Variants in TRAPPC8 observed in about 807,000 individuals in gnomAD.
The protein encoded by TRAPPC8 is trafficking protein particle complex subunit 8, also known as general sporulation gene 1 homolog.
A neutral mutation model predicts 174.3 loss-of-function variants in TRAPPC8; 54 were observed. That is an observed-to-expected ratio of 0.31 (90% confidence interval 0.25 to 0.39). The LOEUF (loss-of-function observed/expected upper bound fraction) is 0.39. Among genes scored for constraint, TRAPPC8 ranks in the 10% least tolerant of loss-of-function variants. The pLI is 1.00. For missense variants in TRAPPC8, 1,531 were observed against 1,699.1 expected, an observed-to-expected ratio of 0.90 and a Z score of 1.74; for synonymous variants, 630 against 579.9, an observed-to-expected ratio of 1.09 and a Z score of -1.24.
At chr18:31,878,967 A>G (rs1393103901) in intron 12 of TRAPPC8, among the ~76,000 whole-genome samples, 1 of 152,230 alleles carries the variant, frequency 6.6e-6, no homozygotes, top group Non-Finnish European at 1.5e-5. Context: ...CAGAGCATCC[A>G]AATTTATAAA....
chr18:31,940,655 C>T (rs983443747), intron 1 of TRAPPC8, among the ~76,000 whole-genome samples: 1 of 151,950 alleles, frequency 6.6e-6, no homozygotes, highest in South Asian at 2.1e-4. Flanking sequence ...CCCACCACCA[C>T]GCCCAGCTAA....
rs1312642241 is a variant in TRAPPC8 at position 31,927,095 on chromosome 18, CAT to C, written c.352+4232_352+4233del. Among the ~76,000 whole-genome samples, 10 of 152,218 alleles carry C rather than the reference CAT, an allele frequency of 6.6e-5. No homozygotes were observed. The East Asian group carries it at 1.7e-3, about 26-fold the overall frequency. ...CTTTTTATCATTTTGTCTATGTACA[CAT>C]ATCATTTTGATAAATTTATTTTTCT... On this transcript the variant is annotated intron_variant, in intron 2 of 28. Transcript: ENST00000283351.
At chr18:31,855,529 C>A (rs1210571653) in intron 21 of TRAPPC8, 131 bp downstream of exon 21, 8 of 707,766 alleles carry the variant, frequency 1.1e-5, no homozygotes, top group Non-Finnish European at 1.8e-5. Context: ...TGATTTCATA[C>A]TATTCTACAT....
intron 12 of TRAPPC8, among the ~76,000 whole-genome samples, chr18:31,888,764 G>A (rs1044186369): frequency 6.6e-6 from 1 of 152,190 alleles, no homozygotes; most frequent in African/African-American, 2.4e-5. Flanking sequence ...CTGTTGAGGG[G>A]TAGGGTGGGA....
At chr18:31,841,965 G>A (rs536661788) in intron 26 of TRAPPC8, among the ~76,000 whole-genome samples, 3 of 152,214 alleles carry the variant, frequency 2.0e-5, no homozygotes, top group Admixed American at 2.0e-4. Context: ...TGAACTCCTG[G>A]CCTCAAGCAA....
intron 11 of TRAPPC8, among the ~76,000 whole-genome samples, chr18:31,894,071 G>C (rs1462212636): frequency 6.6e-6 from 1 of 152,158 alleles, no homozygotes; most frequent in East Asian, 1.9e-4. Flanking sequence ...ACCAACTGAA[G>C]GCAGATGTGG....
At chr18:31,848,161 TA>T (rs1247531471) in intron 25 of TRAPPC8, among the ~76,000 whole-genome samples, 2 of 152,146 alleles carry the variant, frequency 1.3e-5, no homozygotes, top group African/African-American at 4.8e-5. Flanking sequence ...TACTAGCCAC[TA>T]CCAAACTTAA....
At position 31,908,429 on chromosome 18, in the gene TRAPPC8, G is replaced by A; in HGVS notation, c.1123-11C>T. 4 of 1,500,278 alleles carry A rather than the reference G, an allele frequency of 2.7e-6. No individual in the cohort carries two copies. The highest frequency in any genetic ancestry group is 3.6e-6 in the Non-Finnish European group (4 of 1,106,482). The allele number at this position is 1,500,278 out of a possible 1,614,324, so 92.9% of individuals were successfully genotyped here. Reference sequence around the variant, plus strand: ...TTTTCTTGATATTAGCTTTAAAAAAGAGATTAAATATGTTGACAAACAAAG... The same window carrying A: ...TTTTCTTGATATTAGCTTTAAAAAAAAGATTAAATATGTTGACAAACAAAG... On this transcript the variant is annotated splice_polypyrimidine_tract_variant and intron_variant, in intron 7 of 28. Coordinates refer to ENST00000283351, the MANE Select transcript of TRAPPC8 (RefSeq NM_014939.5).
rs375594332 is a variant in TRAPPC8 at position 31,913,388 on chromosome 18, T to C, written c.752A>G (p.Lys251Arg). ...IPDPWSQYLQ[K>R]NSIQNQESYE... ...ATATACCTGGTTTTGAATACTATTT[T>C]TCTGGAGATACTGACTCCAAGGATC... The change falls in exon 5 of 29, where the codon AAA (lysine) becomes AGA (arginine). Residue 251 changes from lysine to arginine, a missense_variant. Transcript: ENST00000283351. 5.4e-5 allele frequency: 85 copies of C among 1,581,520 alleles called. No individual in the cohort carries two copies. The highest frequency in any genetic ancestry group is 7.2e-5 in the Non-Finnish European group (84 of 1,171,182).
chr18:31,887,037 G>C (rs907406481), intron 12 of TRAPPC8, among the ~76,000 whole-genome samples: 1 of 152,072 alleles, frequency 6.6e-6, no homozygotes, highest in African/African-American at 2.4e-5. Flanking sequence ...AAGAGAAACG[G>C]CATTACTCTA....
intron 27 of TRAPPC8, among the ~76,000 whole-genome samples, chr18:31,835,624 T>C (rs1261843554): frequency 6.6e-6 from 1 of 152,188 alleles, no homozygotes; most frequent in South Asian, 2.1e-4. Flanking sequence ...TTATACTCTC[T>C]CATCTGTTTT....
intron 25 of TRAPPC8, among the ~76,000 whole-genome samples, chr18:31,848,762 G>A (rs1298060125): frequency 6.6e-6 from 1 of 152,018 alleles, no homozygotes; most frequent in African/African-American, 2.4e-5. Context: ...GATTATTCTT[G>A]GACAAGATCC....
intron 4 of TRAPPC8, among the ~76,000 whole-genome samples, chr18:31,915,479 G>GGC (rs1555678164): frequency 1.5e-5 from 2 of 129,398 alleles, no homozygotes; most frequent in East Asian, 2.3e-4. Context: ...AGGGGGGGGG[G>GGC]GCGCAGGCGC....
intron 27 of TRAPPC8, chr18:31,832,491 A>G (rs1307932304): frequency 6.5e-6 from 1 of 153,410 alleles, no homozygotes; most frequent in Non-Finnish European, 1.5e-5. Flanking sequence ...CTCAACTTAG[A>G]TCAATGAAGA....
Position 31,886,344 on chromosome 18 carries a change from G to GAAAAAAAA in TRAPPC8, c.1728+4390_1728+4391insTTTTTTTT, listed in dbSNP as rs1568092404. On this transcript the variant is annotated intron_variant, in intron 12 of 28. Coordinates refer to ENST00000283351, the MANE Select transcript of TRAPPC8 (RefSeq NM_014939.5). ...TTAATTTTTAAGTGATGTTTCTTGA[G>GAAAAAAAA]GAAAAAAAAAAAAAAAAAAAAAGGC... is the stretch of plus-strand genomic sequence containing the variant. Among the ~76,000 whole-genome samples the GAAAAAAAA allele has an allele frequency of 4.2e-5, 3 of 71,262 alleles. 1 individual carries two copies. The allele number at this position is 71,262 out of a possible 152,430, so 46.8% of individuals were successfully genotyped here. A position where few individuals can be genotyped will look rare whatever the true frequency, so the allele number is the denominator to read the frequency against.
In TRAPPC8 at chr18:31,879,866, G is replaced by A. The variant is rs116047456; in HGVS notation, c.1729-5162C>T. ...ATGCACACAAACTAGAAAACCTAGA[G>A]GAAATGGGTTAATTCCCAGAATCAT... On this transcript the variant is annotated intron_variant, in intron 12 of 28. Coordinates refer to ENST00000283351, the MANE Select transcript of TRAPPC8 (RefSeq NM_014939.5). Among the ~76,000 whole-genome samples, 1,099 of 150,862 alleles carry A rather than the reference G, an allele frequency of 7.3e-3. 15 individuals carry two copies. The highest frequency in any genetic ancestry group is 0.026 in the African/African-American group (1,051 of 41,152).
intron 2 of TRAPPC8, among the ~76,000 whole-genome samples, chr18:31,922,544 T>C (rs2037435464): frequency 6.6e-6 from 1 of 151,834 alleles, no homozygotes; most frequent in African/African-American, 2.4e-5. Context: ...TGAGCCAAGA[T>C]GGTGCCACTG....
intron 19 of TRAPPC8, among the ~76,000 whole-genome samples, chr18:31,859,878 T>C (rs1406244961): frequency 2.6e-5 from 4 of 151,980 alleles, no homozygotes; most frequent in Non-Finnish European, 5.9e-5. Flanking sequence ...TAGCCAGGCA[T>C]GGTGGTGCGC....
intron 2 of TRAPPC8, among the ~76,000 whole-genome samples, chr18:31,918,329 GATT>G (rs2037236252): frequency 6.6e-6 from 1 of 152,060 alleles, no homozygotes; most frequent in Non-Finnish European, 1.5e-5. Flanking sequence ...TGAGTAAAAA[GATT>G]ATTTCTTTAG....
Sources: allele counts gnomAD v4.1 joint callset (sites outside exome capture counted in the v4.1 genomes callset), GRCh38; gene constraint gnomAD v4.1.1; transcripts MANE v1.5; gene names NCBI Gene and HGNC (gene_info 2026-07-23, HGNC 2026-07-21).